ARFGEF3: variants seen among roughly 807,000 people sequenced by gnomAD.
The protein encoded by ARFGEF3 is brefeldin A-inhibited guanine nucleotide-exchange protein 3.
In ARFGEF3, 96 loss-of-function variants were observed where a neutral mutation model predicts 221.7. That is an observed-to-expected ratio of 0.43 (90% CI 0.37 to 0.51). The LOEUF is 0.51. Ranked by LOEUF, ARFGEF3 falls within the 20% of genes least tolerant of loss-of-function variation. The pLI is 0.00. For synonymous variants in ARFGEF3, 1,145 were observed against 1,126.8 expected, an observed-to-expected ratio of 1.02 and a Z score of -0.32; for missense variants, 2,410 against 2,789.9, an observed-to-expected ratio of 0.86 and a Z score of 3.07.
Position 138,317,250 on chromosome 6 carries a change from G to C in ARFGEF3, c.4346-1G>C. 1.2e-6 allele frequency: 2 copies of C among 1,611,804 alleles called. No homozygotes were observed. The highest frequency in any genetic ancestry group is 1.7e-6 in the Non-Finnish European group (2 of 1,179,364). ...ATACAGGTCTGCTTTTTGGTTTCCA[G>C]GTCTGATAGAAGTCTGGATAATCCT... On this transcript the variant is annotated splice_acceptor_variant, in intron 26 of 33. Coordinates refer to ENST00000251691, the MANE Select transcript of ARFGEF3 (RefSeq NM_020340.5). LOFTEE classifies it high-confidence loss of function.
At chr6:138,318,063 C>G (rs1052215394) in intron 27 of ARFGEF3, among the ~76,000 whole-genome samples, 2 of 152,050 alleles carry the variant, frequency 1.3e-5, no homozygotes, top group African/African-American at 4.8e-5. Flanking sequence ...TAAATGAAGC[C>G]ACTTTCTTAC....
At chr6:138,191,798 G>A (rs2114468934) in intron 2 of ARFGEF3, among the ~76,000 whole-genome samples, 2 of 152,278 alleles carry the variant, frequency 1.3e-5, no homozygotes, top group Middle Eastern at 6.8e-3. Context: ...CATGCTGTCT[G>A]TAGGTTCTTT....
At chr6:138,329,247 G>A (rs1780177491) in intron 32 of ARFGEF3, among the ~76,000 whole-genome samples, 1 of 152,096 alleles carries the variant, frequency 6.6e-6, no homozygotes. Context: ...AAGTATTTGA[G>A]CACTGTATAT....
intron 14 of ARFGEF3, 26 bp downstream of exon 14, chr6:138,280,190 G>A (rs1348449833): frequency 5.6e-6 from 9 of 1,610,544 alleles, no homozygotes; most frequent in East Asian, 2.2e-5. Flanking sequence ...CAAGGCCTTG[G>A]GGCACGTGGT....
At chr6:138,269,959 G>A (rs1035879839) in intron 12 of ARFGEF3, among the ~76,000 whole-genome samples, 1 of 152,066 alleles carries the variant, frequency 6.6e-6, no homozygotes, top group African/African-American at 2.4e-5. Context: ...TTGTTAATAG[G>A]TGACTGTCAT....
chr6:138,315,380 C>T (rs1411089157), intron 26 of ARFGEF3, among the ~76,000 whole-genome samples: 2 of 152,184 alleles, frequency 1.3e-5, no homozygotes, highest in Non-Finnish European at 2.9e-5. Context: ...TCCTGTTCTA[C>T]ATCTAGAATT....
rs1780284886 is a variant in ARFGEF3, at chr6:138,334,499, C to T, written c.5653C>T (p.Pro1885Ser). The T allele has an allele frequency of 6.2e-7, 1 of 1,608,402 alleles. No homozygotes were observed. Among genetic ancestry groups the T allele is most frequent in the Non-Finnish European group, 8.5e-7 (1 of 1,178,010 alleles). ...GAAGAGACAGTGGCGGGCACGGATG[C>T]CCTTGCTCAGCGTCCAGCCTGTCAG... ...KEKRQWRARM[P>S]LLSVQPVSNA... The change falls in exon 33 of 34, where the codon CCC becomes TCC. Residue 1885 changes from proline (P) to serine (S), a missense_variant. Pro to Ser is a moderately conservative substitution (Grantham distance 74). This residue lies in a region of ARFGEF3 where 723 missense variants were observed against 991.9 expected (regional missense o/e 0.73). Transcript: ENST00000251691. This position sits in a 1 kb window ranked among gnomAD's most constrained non-coding sequence, Gnocchi z 5.1.
rs1145975 is a variant in ARFGEF3 at position 138,265,154 on chromosome 6, T to C, written c.2128+1543T>C. On this transcript the variant is annotated intron_variant, in intron 12 of 33. Transcript: ENST00000251691. ...TCCTGACCTTGTGATCCGCCCGCCT[T>C]GGCCTCCCAAAGTGCTGGGATTACA... Among the ~76,000 whole-genome samples the C allele has an allele frequency of 8.1e-3, 1,235 of 152,170 alleles. 5 individuals carry two copies. The highest frequency in any genetic ancestry group is 0.022 in the East Asian group (116 of 5,168).
chr6:138,212,348 C>T (rs545217022), intron 4 of ARFGEF3, among the ~76,000 whole-genome samples: 138 of 152,148 alleles, frequency 9.1e-4, no homozygotes, highest in African/African-American at 3.1e-3. Flanking sequence ...GGCAACATGG[C>T]GAAACCACAT....
chr6:138,303,546 T>C (rs961200742), intron 22 of ARFGEF3, among the ~76,000 whole-genome samples: 1 of 152,132 alleles, frequency 6.6e-6, no homozygotes, highest in Non-Finnish European at 1.5e-5. Flanking sequence ...GGCTCACTCC[T>C]GTAATCCCAG....
Position 138,334,637 on chromosome 6 carries a change from A to G in ARFGEF3, c.5791A>G (p.Ile1931Val). Residue 1931 changes from isoleucine to valine, a missense_variant, in exon 33 of 34, where the codon ATC (isoleucine) becomes GTC (valine). Transcript: ENST00000251691. This position sits in a 1 kb window ranked among gnomAD's most constrained non-coding sequence, Gnocchi z 5.1. ...DLENCMEEPP[I>V]FKGDPFFILP... ...GGAGAACTGTATGGAGGAGCCTCCC[A>G]TCTTCAAGGGCGACCCGTTCTTCAT... 3 of 1,613,584 alleles carry G rather than the reference A, an allele frequency of 1.9e-6. No individual in the cohort carries two copies. The highest frequency in any genetic ancestry group is 2.5e-6 in the Non-Finnish European group (3 of 1,179,854).
chr6:138,235,854 TCC>T (rs1296632804), intron 5 of ARFGEF3, among the ~76,000 whole-genome samples: 2 of 152,196 alleles, frequency 1.3e-5, no homozygotes, highest in Admixed American at 6.5e-5. Flanking sequence ...GTCTTTACAC[TCC>T]CAACTTCAGC....
chr6:138,326,784 C>A (rs957818262), intron 31 of ARFGEF3, among the ~76,000 whole-genome samples: 4 of 152,158 alleles, frequency 2.6e-5, no homozygotes, highest in African/African-American at 9.7e-5. Context: ...GAATATAAAT[C>A]ATTCTCTTAT....
At chr6:138,298,188 T>G (rs1254359295) in intron 21 of ARFGEF3, among the ~76,000 whole-genome samples, 1 of 152,196 alleles carries the variant, frequency 6.6e-6, no homozygotes, top group Non-Finnish European at 1.5e-5. Context: ...TTAGAGCTAC[T>G]GTGGCAATTT....
At chr6:138,325,857 G>T (rs1233095276) in intron 31 of ARFGEF3, among the ~76,000 whole-genome samples, 1 of 139,328 alleles carries the variant, frequency 7.2e-6, no homozygotes, top group African/African-American at 2.8e-5. Flanking sequence ...TGTTGTTGTT[G>T]TTTGTTTGTT....
At chr6:138,261,337 TACAC>T (rs1358473380) in intron 10 of ARFGEF3, among the ~76,000 whole-genome samples, 186 bp from the exon 11 acceptor site, 2 of 152,244 alleles carry the variant, frequency 1.3e-5, no homozygotes, top group African/African-American at 4.8e-5. Context: ...AGGAGCCTGA[TACAC>T]ACCATATGTC....
intron 28 of ARFGEF3, among the ~76,000 whole-genome samples, chr6:138,320,328 G>T (rs1780001717): frequency 6.6e-6 from 1 of 152,226 alleles, no homozygotes; most frequent in African/African-American, 2.4e-5. Context: ...TGGGCAAGAA[G>T]TAGCTTAACA....
rs1399063784 is a variant in ARFGEF3, at chr6:138,340,721, T to C, written c.*4235T>C. On this transcript the variant is annotated 3_prime_UTR_variant, in exon 34 of 34. Coordinates refer to ENST00000251691, the MANE Select transcript of ARFGEF3 (RefSeq NM_020340.5). ...TAAGAAATTTGCCCAAGATAACAAGTAAAAGGCAAAGTTGGTTGCAAAAGA... is the reference window on the plus strand; with the variant it reads ...TAAGAAATTTGCCCAAGATAACAAGCAAAAGGCAAAGTTGGTTGCAAAAGA... 2 of 151,934 alleles carry C rather than the reference T, an allele frequency of 1.3e-5. No individual in the cohort carries two copies. The highest frequency in any genetic ancestry group is 2.4e-5 in the African/African-American group (1 of 41,362). The allele number at this position is 151,934 out of a possible 1,614,324, so 9.4% of individuals were successfully genotyped here.
intron 12 of ARFGEF3, among the ~76,000 whole-genome samples, chr6:138,272,300 C>A (rs905599946): frequency 1.3e-5 from 2 of 152,144 alleles, no homozygotes; most frequent in Non-Finnish European, 2.9e-5. Context: ...GGATTACAGG[C>A]GTCCGCCACC....
Sources: allele counts gnomAD v4.1 joint callset (sites outside exome capture counted in the v4.1 genomes callset), GRCh38; gene constraint gnomAD v4.1.1; regional missense constraint gnomAD v4.1.1; non-coding constraint Gnocchi (gnomAD v3.1); transcripts MANE v1.5; gene names NCBI Gene and HGNC (gene_info 2026-07-23, HGNC 2026-07-21).